CD99: variants seen among roughly 807,000 people sequenced by gnomAD.
CD99 encodes CD99 antigen.
A neutral mutation model predicts 28.4 loss-of-function variants in CD99; 19 were observed. The ratio of observed to expected loss-of-function variants is 0.67; its 90% CI spans 0.47 to 0.98. The LOEUF (loss-of-function observed/expected upper bound fraction) is 0.98, where lower values mean the gene tolerates loss of function less well. Ranked by LOEUF, CD99 falls within the 50% of genes least tolerant of loss-of-function variation. CD99 has a pLI of 0.00. For missense variants in CD99, 283 were observed against 248.8 expected (o/e 1.14, Z -0.92); for synonymous variants, 103 against 92.1 (o/e 1.12, Z -0.67).
Position 2,719,721 on chromosome X carries a change from T to A in CD99, c.193+16T>A. 1 of 1,610,334 alleles carries A rather than the reference T, an allele frequency of 6.2e-7. No homozygotes were observed. Among genetic ancestry groups the A allele is most frequent in the Non-Finnish European group, 8.5e-7 (1 of 1,176,552 alleles). ...GGAGAAAATGGTGAGTATTTTCCTT[T>A]AATCTCTTCTGCTGCTGATCTGCTT... is the stretch of plus-strand genomic sequence containing the variant. On this transcript the variant is annotated intron_variant, in intron 4 of 9. Transcript: ENST00000381192.
chrX:2,720,475 G>A (rs770114073), intron 5 of CD99, 51 bp downstream of exon 5: 11 of 1,540,742 alleles, frequency 7.1e-6, no homozygotes, highest in Middle Eastern at 1.7e-4. Flanking sequence ...AGAATTCAGC[G>A]ATATTTATGT....
intron 1 of CD99, among the ~76,000 whole-genome samples, chrX:2,693,636 T>G (rs2047436556): frequency 6.6e-6 from 1 of 152,168 alleles, no homozygotes; most frequent in African/African-American, 2.4e-5. Flanking sequence ...AAGTAGGTTC[T>G]CAGACTGGTG....
At chrX:2,709,382 A>G (rs1420373497) in intron 1 of CD99, among the ~76,000 whole-genome samples, 1 of 152,218 alleles carries the variant, frequency 6.6e-6, no homozygotes, top group Non-Finnish European at 1.5e-5. Flanking sequence ...TAGCACCCTC[A>G]CACATATGCA....
chrX:2,731,205 A>G (rs773983882), intron 8 of CD99, among the ~76,000 whole-genome samples: 2 of 152,212 alleles, frequency 1.3e-5, no homozygotes, highest in South Asian at 4.1e-4. Context: ...GATTTCCGGG[A>G]TGGTGATTTT....
intron 8 of CD99, among the ~76,000 whole-genome samples, chrX:2,729,699 A>G (rs1011900278): frequency 3.3e-5 from 5 of 152,144 alleles, no homozygotes; most frequent in Non-Finnish European, 5.9e-5. Context: ...TAGAATTGGG[A>G]AAAGGAAAAA....
chrX:2,697,157 G>A (rs2124466980), intron 1 of CD99, among the ~76,000 whole-genome samples: 1 of 152,260 alleles, frequency 6.6e-6, no homozygotes, highest in East Asian at 1.9e-4. Context: ...CCTCTGTCCC[G>A]GTGGGCTGGG....
At chrX:2,715,270 G>C (rs758273983) in intron 2 of CD99, 1 of 152,264 alleles carries the variant, frequency 6.6e-6, no homozygotes, top group African/African-American at 2.4e-5. Flanking sequence ...CCATAAAAAG[G>C]TGCCACCAAC....
chrX:2,737,995 A>G (rs1569452017), intron 8 of CD99: 5 of 718,940 alleles, frequency 7.0e-6, no homozygotes, highest in Non-Finnish European at 1.3e-5. Context: ...TGCCTGTGCC[A>G]TGCATGAAAA....
intron 1 of CD99, 108 bp downstream of exon 1, chrX:2,691,535 C>A: frequency 8.0e-7 from 1 of 1,248,864 alleles, no homozygotes; most frequent in Non-Finnish European, 1.1e-6. Context: ...CACCCGGAGC[C>A]TCCTCCCTGC....
At chrX:2,712,488 ATATATT>A in intron 1 of CD99, among the ~76,000 whole-genome samples, 1 of 152,256 alleles carries the variant, frequency 6.6e-6, no homozygotes, top group East Asian at 1.9e-4. Context: ...GAGTGCATAT[ATATATT>A]TATATGTGCG....
chrX:2,740,016 C>T (rs1229239758), intron 9 of CD99, among the ~76,000 whole-genome samples: 2 of 151,598 alleles, frequency 1.3e-5, no homozygotes, highest in African/African-American at 4.8e-5. Flanking sequence ...CGCTTGAACC[C>T]GGGAGGCGGA....
intron 1 of CD99, among the ~76,000 whole-genome samples, chrX:2,697,826 C>A (rs1321886203): frequency 3.3e-5 from 5 of 151,964 alleles, no homozygotes; most frequent in Non-Finnish European, 1.5e-5. Flanking sequence ...ATGAATTCAG[C>A]ACAAAATGTT....
At chrX:2,739,230 A>G (rs918744890) in intron 9 of CD99, among the ~76,000 whole-genome samples, 2 of 152,182 alleles carry the variant, frequency 1.3e-5, no homozygotes, top group Non-Finnish European at 2.9e-5. Context: ...AGAGACTTTA[A>G]TTCGTGAGAA....
At chrX:2,695,637 C>CTTTT (rs773294263) in intron 1 of CD99, among the ~76,000 whole-genome samples, 3 of 141,584 alleles carry the variant, frequency 2.1e-5, no homozygotes, top group South Asian at 2.3e-4. Flanking sequence ...AAAAAAAAGT[C>CTTTT]TTTTTTTTTT....
chrX:2,691,516 C>T (rs2047291248), intron 1 of CD99, 89 bp downstream of exon 1: 1 of 1,400,276 alleles, frequency 7.1e-7, no homozygotes, highest in Non-Finnish European at 9.7e-7. Context: ...TGGGGGCGCC[C>T]CGCGGGGACA....
At chrX:2,701,539 G>A (rs1230415478) in intron 1 of CD99, among the ~76,000 whole-genome samples, 1 of 152,154 alleles carries the variant, frequency 6.6e-6, no homozygotes, top group East Asian at 1.9e-4. Flanking sequence ...TGGACACTGA[G>A]CTTCCAAGAA....
At chrX:2,705,742 G>A (rs1252890089) in intron 1 of CD99, among the ~76,000 whole-genome samples, 4 of 152,248 alleles carry the variant, frequency 2.6e-5, no homozygotes, top group East Asian at 3.9e-4. Context: ...GTGACCGATC[G>A]TCTGCCCGGT....
intron 1 of CD99, chrX:2,691,895 A>C: frequency 2.6e-6 from 2 of 779,318 alleles, no homozygotes; most frequent in Non-Finnish European, 4.8e-6. Flanking sequence ...TAGGAGCCTG[A>C]GACCCGGGTG....
chrX:2,739,313 G>T (rs28709618), intron 9 of CD99, among the ~76,000 whole-genome samples: 7,680 of 152,212 alleles, frequency 0.05, 214 homozygotes, highest in Non-Finnish European at 0.059. Flanking sequence ...AAATGTGTGT[G>T]TGTATATGTG....
Sources: gnomAD v4.1 joint callset for allele counts (sites outside exome capture counted in the v4.1 genomes callset) on GRCh38, gnomAD v4.1.1 for gene constraint, MANE v1.5 for transcripts, NCBI Gene and HGNC (gene_info 2026-07-23, HGNC 2026-07-21) for gene names.